GUF1: variants seen among roughly 807,000 people sequenced by gnomAD.
GUF1 encodes translation factor GUF1, mitochondrial.
GUF1 carries 78 observed loss-of-function variants against 82.4 expected under a neutral mutation model. The observed-to-expected ratio is 0.95, with a 90% CI of 0.79 to 1.14. The LOEUF (loss-of-function observed/expected upper bound fraction) is 1.14. GUF1 is among the 50% of genes most tolerant of loss of function. The pLI, the probability that GUF1 is intolerant of heterozygous loss-of-function variation, is 0.00. For synonymous variants in GUF1, 279 were observed against 282.3 expected, an observed-to-expected ratio of 0.99 and a Z score of 0.12; for missense variants, 814 against 798.2, an observed-to-expected ratio of 1.02 and a Z score of -0.24.
In GUF1 at chr4:44,686,649, C is replaced by A; in HGVS notation, c.874C>A (p.Gln292Lys). 6.2e-7 allele frequency: 1 copy of A among 1,611,832 alleles called. No individual in the cohort carries two copies. Among genetic ancestry groups the A allele is most frequent in the South Asian group, 1.1e-5 (1 of 91,016 alleles). ...KGDKIVSAHT[Q>K]KTYEVNEVGV... Reference sequence around the variant, plus strand: ...AGATAAAATTGTATCTGCACATACTCAAAAGACATACGAAGTTAATGAAGT... The same window carrying A: ...AGATAAAATTGTATCTGCACATACTAAAAAGACATACGAAGTTAATGAAGT... The change falls in exon 8 of 17, where the codon CAA becomes AAA. Residue 292 changes from glutamine to lysine, a missense_variant. Transcript: ENST00000281543.
chr4:44,688,090 A>G lies in GUF1; in HGVS notation c.1022A>G (p.Lys341Arg), dbSNP rs1478068046. Residue 341 changes from lysine (K) to arginine (R), a missense_variant, in exon 9 of 17, where the codon AAG (lysine) becomes AGG (arginine). Transcript: ENST00000281543. ...AQIGDTLCLHKQPVEPLPGFK... is the reference protein window; with the variant it reads ...AQIGDTLCLHRQPVEPLPGFK... ...ATAGGAGATACATTATGTTTACATAAGCAACCAGTGGAGCCCTTGCCTGGG... is the reference window on the plus strand; with the variant it reads ...ATAGGAGATACATTATGTTTACATAGGCAACCAGTGGAGCCCTTGCCTGGG... 1 of 1,612,324 alleles carries G rather than the reference A, an allele frequency of 6.2e-7. No individual in the cohort carries two copies. Among genetic ancestry groups the G allele is most frequent in the African/African-American group, 1.3e-5 (1 of 74,794 alleles).
At chr4:44,689,009 G>GT (rs33967370) in intron 9 of GUF1, among the ~76,000 whole-genome samples, 352 of 148,336 alleles carry the variant, frequency 2.4e-3, no homozygotes, top group Non-Finnish European at 4.2e-3. Flanking sequence ...TAATTCCCAT[G>GT]TTTTTTTTTT....
At position 44,680,526 on chromosome 4, in the gene GUF1, T is replaced by G; in HGVS notation, c.251T>G (p.Leu84Ter). Residue 84 changes from leucine (L) to a stop codon, truncating the protein, a stop_gained, in exon 2 of 17, where the codon TTA (leucine) becomes TGA (stop). Transcript: ENST00000281543. LOFTEE classifies it high-confidence loss of function. ...VAHVDHGKST[L>*]ADRLLELTGT... ...CACGTGGATCATGGCAAAAGTACTT[T>G]AGCTGACAGGCTCCTAGAACTTACA... 6.2e-7 allele frequency: 1 copy of G among 1,607,998 alleles called. No individual in the cohort carries two copies. The highest frequency in any genetic ancestry group is 8.5e-7 in the Non-Finnish European group (1 of 1,176,096).
chr4:44,686,090 T>C, intron 7 of GUF1, 67 bp downstream of exon 7: 2 of 1,051,344 alleles, frequency 1.9e-6, no homozygotes, highest in South Asian at 1.3e-5. Flanking sequence ...CCATGTTTAA[T>C]AGTTCAAAGA....
intron 1 of GUF1, among the ~76,000 whole-genome samples, chr4:44,679,750 A>C (rs966091022): frequency 6.7e-6 from 1 of 148,706 alleles, no homozygotes; most frequent in Non-Finnish European, 1.5e-5. Context: ...ATTGTGAAAT[A>C]TGCAGTTGAT....
In GUF1 at chr4:44,694,532, A is replaced by C. The variant is rs1043351569; in HGVS notation, c.1715+19A>C. 6 of 1,269,196 alleles carry C rather than the reference A, an allele frequency of 4.7e-6. No individual in the cohort carries two copies. The highest frequency in any genetic ancestry group is 6.8e-6 in the Non-Finnish European group (6 of 887,596). The allele number at this position is 1,269,196 out of a possible 1,614,324, so 78.6% of individuals were successfully genotyped here. A position where few individuals can be genotyped will look rare whatever the true frequency, so the allele number is the denominator to read the frequency against. ...TACACAAGTAAGTTCAATAGAAACT[A>C]ATCATGGAATGTGAAAATACTTTTG... is the stretch of plus-strand genomic sequence containing the variant. On this transcript the variant is annotated intron_variant, in intron 14 of 16. Coordinates refer to ENST00000281543, the MANE Select transcript of GUF1 (RefSeq NM_021927.3).
chr4:44,680,324 A>ATCC, intron 1 of GUF1, 117 bp from the exon 2 acceptor site: 1 of 560,944 alleles, frequency 1.8e-6, no homozygotes. Flanking sequence ...TAATATAAAC[A>ATCC]ATATAAATGC....
intron 6 of GUF1, among the ~76,000 whole-genome samples, chr4:44,684,448 G>A (rs1375983046): frequency 3.3e-5 from 5 of 152,060 alleles, no homozygotes; most frequent in Non-Finnish European, 5.9e-5. Context: ...CAGGAATCAA[G>A]TCATGCTGGG....
At position 44,691,778 on chromosome 4, in the gene GUF1, C is replaced by T. The variant is rs1159396815; in HGVS notation, c.1592C>T (p.Ser531Phe). 1 of 1,591,956 alleles carries T rather than the reference C, an allele frequency of 6.3e-7. No homozygotes were observed. The highest frequency in any genetic ancestry group is 1.4e-5 in the African/African-American group (1 of 73,576). The change falls in exon 13 of 17, where the codon TCC becomes TTC. Residue 531 changes from serine (S) to phenylalanine (F), a missense_variant. Coordinates refer to ENST00000281543, the MANE Select transcript of GUF1 (RefSeq NM_021927.3). ...IVVDFYDSLK[S>F]LSSGYASFDY... Reference sequence around the variant, plus strand: ...GTAGATTTTTATGACTCTTTGAAATCCCTATCTTCTGGATATGCTAGGTAA... The same window carrying T: ...GTAGATTTTTATGACTCTTTGAAATTCCTATCTTCTGGATATGCTAGGTAA...
Position 44,698,800 on chromosome 4 carries a change from C to T in GUF1, c.*119C>T, listed in dbSNP as rs761213594. 34 of 854,436 alleles carry T rather than the reference C, an allele frequency of 4.0e-5. No homozygotes were observed. Among genetic ancestry groups the T allele is most frequent in the South Asian group, 7.4e-5 (4 of 53,842 alleles). 52.9% of individuals were successfully genotyped at this position (854,436 alleles called of 1,614,324 possible). A position where few individuals can be genotyped will look rare whatever the true frequency, so the allele number is the denominator to read the frequency against. On this transcript the variant is annotated 3_prime_UTR_variant, in exon 17 of 17. Coordinates refer to ENST00000281543, the MANE Select transcript of GUF1 (RefSeq NM_021927.3). Reference sequence around the variant, plus strand: ...AGGTTCAAATAACCTACTAGTCTTTCGTTGAAAGGGAGTAGTTAGTGGGTA... The same window carrying T: ...AGGTTCAAATAACCTACTAGTCTTTTGTTGAAAGGGAGTAGTTAGTGGGTA...
In GUF1 at chr4:44,688,027, ATCTGATTGCT is replaced by A. The variant is rs2109648009; in HGVS notation, c.960_969del (p.Tyr320Ter). 6.2e-7 allele frequency: 1 copy of A among 1,612,074 alleles called. No individual in the cohort carries two copies. The highest frequency in any genetic ancestry group is 8.5e-7 in the Non-Finnish European group (1 of 1,178,526). ...TTTAGATATGCAGGACAGGTGGGCT[ATCTGATTGCT>A]GGGATGAAAGATGTCACTGAAGCGC... On this transcript the variant is annotated frameshift_variant, in exon 9 of 17. Coordinates refer to ENST00000281543, the MANE Select transcript of GUF1 (RefSeq NM_021927.3). LOFTEE classifies it high-confidence loss of function.
At chr4:44,690,387 AAG>A in intron 11 of GUF1, among the ~76,000 whole-genome samples, 1 of 151,966 alleles carries the variant, frequency 6.6e-6, no homozygotes, top group Admixed American at 6.6e-5. Flanking sequence ...ATCAGTGATG[AAG>A]ACAGTATTGT....
At chr4:44,688,571 C>T (rs1715215829) in intron 9 of GUF1, among the ~76,000 whole-genome samples, 1 of 151,782 alleles carries the variant, frequency 6.6e-6, no homozygotes, top group African/African-American at 2.4e-5. Context: ...ATGGTGTTGC[C>T]TCAAGTACGT....
chr4:44,695,416 C>G (rs1427486878), intron 14 of GUF1, among the ~76,000 whole-genome samples, 199 bp from the exon 15 acceptor site: 4 of 152,134 alleles, frequency 2.6e-5, no homozygotes, highest in Non-Finnish European at 4.4e-5. Flanking sequence ...TGTTGTATTT[C>G]TAAATATTCT....
chr4:44,697,400 T>C lies in GUF1; in HGVS notation c.1836-8T>C. 1 of 1,551,318 alleles carries C rather than the reference T, an allele frequency of 6.4e-7. No homozygotes were observed. The highest frequency in any genetic ancestry group is 8.8e-7 in the Non-Finnish European group (1 of 1,136,638). On this transcript the variant is annotated splice_region_variant and splice_polypyrimidine_tract_variant and intron_variant, in intron 15 of 16. Coordinates refer to ENST00000281543, the MANE Select transcript of GUF1 (RefSeq NM_021927.3). ...TTATGTACTTAAACGAATTTTTCTC[T>C]TTTACAGTGTGAAAGCCTATAGGAA... is the stretch of plus-strand genomic sequence containing the variant.
chr4:44,691,803 A>T lies in GUF1; in HGVS notation c.1613+4A>T. ...CCCTATCTTCTGGATATGCTAGGTAAAAAAATAATGAGAACCTAAGATGCC... is the reference window on the plus strand; with the variant it reads ...CCCTATCTTCTGGATATGCTAGGTATAAAAATAATGAGAACCTAAGATGCC... On this transcript the variant is annotated splice_donor_region_variant and intron_variant, in intron 13 of 16. Transcript: ENST00000281543. 3 of 1,574,782 alleles carry T rather than the reference A, an allele frequency of 1.9e-6. No individual in the cohort carries two copies. Among genetic ancestry groups the T allele is most frequent in the Non-Finnish European group, 2.6e-6 (3 of 1,164,318 alleles).
At chr4:44,692,404 T>C (rs1413948623) in intron 13 of GUF1, among the ~76,000 whole-genome samples, 2 of 151,360 alleles carry the variant, frequency 1.3e-5, no homozygotes, top group Admixed American at 6.6e-5. Flanking sequence ...TGAGAGGCTG[T>C]TTTTTGTTGT....
intron 13 of GUF1, 63 bp downstream of exon 13, chr4:44,691,862 G>C: frequency 9.1e-7 from 1 of 1,099,774 alleles, no homozygotes; most frequent in Non-Finnish European, 1.3e-6. Context: ...ATGAGCAAGG[G>C]TATACTAATT....
chr4:44,682,452 A>G, intron 5 of GUF1, 41 bp downstream of exon 5: 2 of 1,053,060 alleles, frequency 1.9e-6, no homozygotes, highest in Non-Finnish European at 1.3e-6. Flanking sequence ...TTCACTTTCT[A>G]AAAGTACAAT....
Sources: allele counts gnomAD v4.1 joint callset (sites outside exome capture counted in the v4.1 genomes callset), GRCh38; gene constraint gnomAD v4.1.1; transcripts MANE v1.5; gene names NCBI Gene and HGNC (gene_info 2026-07-23, HGNC 2026-07-21).